SMG9: variants seen among roughly 807,000 people sequenced by gnomAD.
The protein encoded by SMG9 is nonsense-mediated mRNA decay factor SMG9.
A neutral mutation model predicts 64.0 loss-of-function variants in SMG9; 55 were observed. The observed-to-expected ratio is 0.86, with a 90% CI of 0.69 to 1.08. The LOEUF is 1.08. Ranked by LOEUF, SMG9 falls within the 50% of genes least tolerant of loss-of-function variation. The pLI is 0.00. For missense variants in SMG9, 554 were observed against 681.3 expected (o/e 0.81, Z 2.08); for synonymous variants, 244 against 254.8 (o/e 0.96, Z 0.41).
Position 43,731,284 on chromosome 19 carries a change from G to A in SMG9, c.*312C>T, listed in dbSNP as rs1276610105. The A allele has an allele frequency of 8.6e-7, 1 of 1,160,902 alleles. No homozygotes were observed. The highest frequency in any genetic ancestry group is 4.4e-5 in the Admixed American group (1 of 22,488). 71.9% of individuals were successfully genotyped at this position (1,160,902 alleles called of 1,614,324 possible). On this transcript the variant is annotated 3_prime_UTR_variant, in exon 14 of 14. Coordinates refer to ENST00000270066, the MANE Select transcript of SMG9 (RefSeq NM_019108.4). ...TGTTGCTCCTGTCCCTGAAAAAGGA[G>A]GTCAAGATGGAGCCCGGGCTTCCTG...
At chr19:43,735,623 A>AAAC (rs1968637930) in intron 9 of SMG9, among the ~76,000 whole-genome samples, 1 of 151,126 alleles carries the variant, frequency 6.6e-6, no homozygotes, top group Non-Finnish European at 1.5e-5. Flanking sequence ...TCAAAAAAAA[A>AAAC]AAAAAAAAAA....
At position 43,731,454 on chromosome 19, in the gene SMG9, T is replaced by G; in HGVS notation, c.*142A>C. On this transcript the variant is annotated 3_prime_UTR_variant, in exon 14 of 14. Coordinates refer to ENST00000270066, the MANE Select transcript of SMG9 (RefSeq NM_019108.4). ...GGGGGGCCTGGCCCTGGACACCTCA[T>G]GTCTCTGGGCCGGGAAGCCACGATC... 1 of 1,478,136 alleles carries G rather than the reference T, an allele frequency of 6.8e-7. No individual in the cohort carries two copies. The allele number at this position is 1,478,136 out of a possible 1,614,324, so 91.6% of individuals were successfully genotyped here. A position where few individuals can be genotyped will look rare whatever the true frequency, so the allele number is the denominator to read the frequency against.
chr19:43,728,913 G>A lies in SMG9; in HGVS notation c.*2683C>T. 5.7e-6 allele frequency: 5 copies of A among 872,962 alleles called. No individual in the cohort carries two copies. In the South Asian group the frequency reaches 2.6e-4, roughly 46 times the overall value. 54.1% of individuals were successfully genotyped at this position (872,962 alleles called of 1,614,324 possible). ...ACCTGCTGGGAATGATGAAGGGACTGGAGAGCCACAAGCAGCAGGCATTCC... is the reference window on the plus strand; with the variant it reads ...ACCTGCTGGGAATGATGAAGGGACTAGAGAGCCACAAGCAGCAGGCATTCC... On this transcript the variant is annotated 3_prime_UTR_variant, in exon 14 of 14. Transcript: ENST00000270066.
chr19:43,740,885 G>A (rs1040554741), intron 6 of SMG9, among the ~76,000 whole-genome samples: 23 of 152,260 alleles, frequency 1.5e-4, no homozygotes, highest in African/African-American at 4.3e-4. Context: ...AAACCACTAA[G>A]TTCAACTTGG....
intron 6 of SMG9, among the ~76,000 whole-genome samples, chr19:43,743,950 A>C (rs558851532): frequency 2.6e-5 from 4 of 152,242 alleles, no homozygotes; most frequent in African/African-American, 9.6e-5. Flanking sequence ...GTTCTTCACC[A>C]CCCCAGTGGC....
chr19:43,739,269 T>C (rs1472277932), intron 7 of SMG9, among the ~76,000 whole-genome samples: 4 of 152,204 alleles, frequency 2.6e-5, no homozygotes, highest in Non-Finnish European at 5.9e-5. Context: ...TTGCTAAGGG[T>C]ATTTAGCACC....
At chr19:43,733,604 G>A in intron 11 of SMG9, 22 bp downstream of exon 11, 1 of 1,612,322 alleles carries the variant, frequency 6.2e-7, no homozygotes, top group Non-Finnish European at 8.5e-7. Context: ...ACTAGCTTGG[G>A]GGGTGATGTG....
chr19:43,747,749 G>C lies in SMG9; in HGVS notation c.374C>G (p.Pro125Arg). The change falls in exon 4 of 14, where the codon CCA becomes CGA. Residue 125 changes from proline to arginine, a missense_variant. By Grantham distance (103) the Pro-to-Arg change is moderately radical. Coordinates refer to ENST00000270066, the MANE Select transcript of SMG9 (RefSeq NM_019108.4). The stretch of plus-strand genomic sequence containing the variant: ...GGGTGGCGCAGGGGCTGCAGGGGGT[G>C]GTGGGGCGGTGCCCTCAGGGGTAGA... ...GASTPEGTAP[P>R]PPAAPAPPKG... 2 of 1,609,972 alleles carry C rather than the reference G, an allele frequency of 1.2e-6. No individual in the cohort carries two copies. Among genetic ancestry groups the C allele is most frequent in the South Asian group, 1.1e-5 (1 of 90,540 alleles).
At chr19:43,740,291 T>C in intron 6 of SMG9, 73 bp from the exon 7 acceptor site, 5 of 1,091,692 alleles carry the variant, frequency 4.6e-6, no homozygotes, top group Non-Finnish European at 7.1e-6. Context: ...AGTGTGACCC[T>C]GTGAGCTGAG....
At chr19:43,743,375 T>G (rs552582483) in intron 6 of SMG9, among the ~76,000 whole-genome samples, 2 of 152,192 alleles carry the variant, frequency 1.3e-5, no homozygotes, top group African/African-American at 4.8e-5. Context: ...AGCTCCAGCT[T>G]TATGGGATGT....
intron 13 of SMG9, chr19:43,732,573 CTA>C (rs1968516771): frequency 4.6e-6 from 2 of 430,440 alleles, no homozygotes; most frequent in Admixed American, 8.0e-5. Context: ...TGTGGCCTTG[CTA>C]TGTAACACTT....
In SMG9 at chr19:43,747,665, C is replaced by T; in HGVS notation, c.458G>A (p.Gly153Asp). 1 of 1,612,800 alleles carries T rather than the reference C, an allele frequency of 6.2e-7. No homozygotes were observed. Among genetic ancestry groups the T allele is most frequent in the Non-Finnish European group, 8.5e-7 (1 of 1,179,418 alleles). ...TQPVYQIQNRGMGTAAPAAMD... is the reference protein window; with the variant it reads ...TQPVYQIQNRDMGTAAPAAMD... ...GGCTGCTGGTGCGGCAGTGCCCATG[C>T]CCCGGTTCTGGATCTGGTACACAGG... Residue 153 changes from glycine (G) to aspartate (D), a missense_variant, in exon 4 of 14, where the codon GGC becomes GAC. Gly to Asp is a moderately conservative substitution (Grantham distance 94). Transcript: ENST00000270066.
At chr19:43,733,184 A>G (rs1968541172) in intron 12 of SMG9, 140 bp downstream of exon 12, 6 of 1,368,668 alleles carry the variant, frequency 4.4e-6, no homozygotes, top group Non-Finnish European at 6.0e-6. Context: ...ACAAACCAGG[A>G]TCTTCTCTCA....
rs768296833 is a variant in SMG9 at position 43,747,982 on chromosome 19, T to A, written c.221A>T (p.Glu74Val). 1.2e-6 allele frequency: 2 copies of A among 1,614,148 alleles called. No homozygotes were observed. Among genetic ancestry groups the A allele is most frequent in the South Asian group, 2.2e-5 (2 of 91,070 alleles). ...CCTCCCTCCTTCTCTGCTCACCCGC[T>A]CTGCTGGAGGTTTTGAGAGGATGAT... ...TPIILSKPPA[E>V]RSKQPPPPTA... The change falls in exon 3 of 14, where the codon GAG becomes GTG. Residue 74 changes from glutamate to valine, a missense_variant. Transcript: ENST00000270066.
rs756847841 is a variant in SMG9 at position 43,744,843 on chromosome 19, C to A, written c.630G>T (p.Leu210=). 2 of 1,613,834 alleles carry A rather than the reference C, an allele frequency of 1.2e-6. No homozygotes were observed. The highest frequency in any genetic ancestry group is 2.2e-5 in the South Asian group (2 of 91,072). The change falls in exon 6 of 14, where the codon CTG becomes CTT. Residue 210 remains leucine (L), a synonymous_variant. Transcript: ENST00000270066. ...DQTDVLVVGV[L]GLQGTGKSMV... is the part of the protein sequence containing the mutation. Reference sequence around the variant, plus strand: ...TGGACTTGCCTGTCCCCTGGAGGCCCAGGACACCAACCACCAACACATCAG... The same window carrying A: ...TGGACTTGCCTGTCCCCTGGAGGCCAAGGACACCAACCACCAACACATCAG...
chr19:43,753,713 G>A (rs1393410301), intron 1 of SMG9, among the ~76,000 whole-genome samples: 1 of 151,796 alleles, frequency 6.6e-6, no homozygotes, highest in Non-Finnish European at 1.5e-5. Flanking sequence ...CGCCAGCCTC[G>A]GTCTCCCAAA....
chr19:43,734,721 T>A, intron 9 of SMG9: 1 of 430,952 alleles, frequency 2.3e-6, no homozygotes, highest in Non-Finnish European at 4.1e-6. Context: ...TACTGTATTT[T>A]TTTTTTAAAG....
At chr19:43,736,155 AT>A (rs527941583) in intron 9 of SMG9, among the ~76,000 whole-genome samples, 94 of 152,308 alleles carry the variant, frequency 6.2e-4, no homozygotes, top group African/African-American at 2.2e-3. Flanking sequence ...TAATACAAAC[AT>A]TAAGTTTTCT....
chr19:43,751,869 T>C (rs1969199926), intron 1 of SMG9, among the ~76,000 whole-genome samples: 1 of 152,208 alleles, frequency 6.6e-6, no homozygotes, highest in South Asian at 2.1e-4. Flanking sequence ...CAAATACACA[T>C]CTATCTCTTA....
Sources: allele counts gnomAD v4.1 joint callset (sites outside exome capture counted in the v4.1 genomes callset), GRCh38; gene constraint gnomAD v4.1.1; transcripts MANE v1.5; gene names NCBI Gene and HGNC (gene_info 2026-07-23, HGNC 2026-07-21).